SH3KBP1: variants seen among roughly 807,000 people sequenced by gnomAD.
SH3KBP1 encodes the protein SH3 domain containing kinase binding protein 1, also known as SH3 domain-containing kinase-binding protein 1.
A neutral mutation model predicts 50.1 loss-of-function variants in SH3KBP1; 8 were observed. The observed-to-expected ratio is 0.16, with a 90% CI of 0.09 to 0.29. The LOEUF (loss-of-function observed/expected upper bound fraction) is 0.29. SH3KBP1 is among the 10% of genes least tolerant of loss of function. The pLI, the probability that SH3KBP1 is intolerant of heterozygous loss-of-function variation, is 1.00. For synonymous variants in SH3KBP1, 227 were observed against 218.6 expected, an observed-to-expected ratio of 1.04 and a Z score of -0.34; for missense variants, 377 against 535.2, an observed-to-expected ratio of 0.70 and a Z score of 2.92.
At chrX:19,756,903 T>C (rs1396894757) in intron 2 of SH3KBP1, among the ~76,000 whole-genome samples, 2 of 105,689 alleles carry the variant, frequency 1.9e-5, no homozygotes, top group African/African-American at 6.9e-5. Flanking sequence ...TAACGTATGC[T>C]AGCATTTGTG....
rs1472663912 is a variant in SH3KBP1, at chrX:19,760,041, C to CTCTCTCT, written c.163-13601_163-13600insAGAGAGA. ...TCTCTCTCCTCTCTCTCTCTCTCTCCCTCTCTCTCTCTCTCTCTCTCTCTC... is the reference window on the plus strand; with the variant it reads ...TCTCTCTCCTCTCTCTCTCTCTCTCCTCTCTCTCTCTCTCTCTCTCTCTCTCTCTCTC... On this transcript the variant is annotated intron_variant, in intron 2 of 17. Coordinates refer to ENST00000397821, the MANE Select transcript of SH3KBP1 (RefSeq NM_031892.3). Among the ~76,000 whole-genome samples, 15 of 50,457 alleles carry CTCTCTCT rather than the reference C, an allele frequency of 3.0e-4. 1 individual carries two copies. The highest frequency in any genetic ancestry group is 1.3e-3 in the African/African-American group (14 of 10,729). 43.8% of individuals were successfully genotyped at this position (50,457 alleles called of 115,157 possible).
chrX:19,698,803 C>T (rs1168870821), intron 4 of SH3KBP1, among the ~76,000 whole-genome samples: 2 of 111,945 alleles, frequency 1.8e-5, no homozygotes, highest in African/African-American at 3.3e-5. Context: ...TGTGTAAAGA[C>T]GAGGACACGG....
At chrX:19,563,645 G>C (rs939282015) in intron 13 of SH3KBP1, among the ~76,000 whole-genome samples, 1 of 112,305 alleles carries the variant, frequency 8.9e-6, no homozygotes, top group Non-Finnish European at 1.9e-5. Context: ...AAAAATTTAA[G>C]TTTGATCACG....
intron 6 of SH3KBP1, among the ~76,000 whole-genome samples, chrX:19,681,792 G>T (rs73459687): frequency 0.073 from 8,165 of 111,133 alleles, 691 homozygotes; most frequent in African/African-American, 0.25. Flanking sequence ...AGTAACGAGG[G>T]TCGGGTCTCA....
intron 1 of SH3KBP1, among the ~76,000 whole-genome samples, chrX:19,866,884 C>T (rs1358128972): frequency 9.2e-6 from 1 of 108,576 alleles, no homozygotes; most frequent in Non-Finnish European, 1.9e-5. Flanking sequence ...ACTATCCAAA[C>T]GTAAACAGAC....
rs142557589 is a variant in SH3KBP1 at position 19,667,024 on chromosome X, A to T, written c.726+16799T>A. On this transcript the variant is annotated intron_variant, in intron 6 of 17. Coordinates refer to ENST00000397821, the MANE Select transcript of SH3KBP1 (RefSeq NM_031892.3). Reference sequence around the variant, plus strand: ...GAAATAATACTCAGCCTTAAAAACGAAAGAAATTCTGATATGTGCCACAAC... The same window carrying T: ...GAAATAATACTCAGCCTTAAAAACGTAAGAAATTCTGATATGTGCCACAAC... 7.9e-3 allele frequency among the ~76,000 whole-genome samples: 890 copies of T among 112,477 alleles called. 5 individuals are homozygous for T. Among genetic ancestry groups the T allele is most frequent in the Non-Finnish European group, 0.011 (584 of 53,279 alleles).
intron 3 of SH3KBP1, among the ~76,000 whole-genome samples, chrX:19,744,387 A>G (rs2064860628): frequency 8.9e-6 from 1 of 111,996 alleles, no homozygotes; most frequent in South Asian, 3.7e-4. Flanking sequence ...TGTTTATTAT[A>G]AGGGGTAGCA....
At chrX:19,876,629 GA>G (rs1027992105) in intron 1 of SH3KBP1, among the ~76,000 whole-genome samples, 2 of 111,069 alleles carry the variant, frequency 1.8e-5, no homozygotes, top group African/African-American at 6.6e-5. Context: ...AAAAGGAGGG[GA>G]AAATAACAGA....
intron 8 of SH3KBP1, among the ~76,000 whole-genome samples, chrX:19,618,124 G>A (rs758464998): frequency 2.7e-5 from 3 of 110,533 alleles, no homozygotes; most frequent in Non-Finnish European, 3.8e-5. Flanking sequence ...AGTGGCTCAC[G>A]TCTGTAATCT....
chrX:19,592,107 A>T lies in SH3KBP1; in HGVS notation c.1098T>A (p.Pro366=). The T allele has an allele frequency of 8.3e-7, 1 of 1,207,164 alleles. No individual in the cohort carries two copies. Among genetic ancestry groups the T allele is most frequent in the Non-Finnish European group, 1.1e-6 (1 of 892,691 alleles). The change falls in exon 11 of 18, where the codon CCT becomes CCA. Residue 366 remains proline, a synonymous_variant. Coordinates refer to ENST00000397821, the MANE Select transcript of SH3KBP1 (RefSeq NM_031892.3). The part of the protein sequence containing the change: ...ERKHEIKKIP[P]ERPEMLPNRT... ...TGTTTGGAAGCATTTCTGGTCTTTC[A>T]GGAGGTATCTTTTTAATTTCATGTT...
chrX:19,761,944 C>T (rs764110961), intron 2 of SH3KBP1, among the ~76,000 whole-genome samples: 1 of 113,052 alleles, frequency 8.8e-6, no homozygotes, highest in Non-Finnish European at 1.9e-5. Context: ...TCCATCAGAG[C>T]TTTGCCCCTC....
chrX:19,649,077 C>T (rs2062059532), intron 6 of SH3KBP1, among the ~76,000 whole-genome samples: 1 of 111,527 alleles, frequency 9.0e-6, no homozygotes, highest in African/African-American at 3.3e-5. Flanking sequence ...CATCTCTCCT[C>T]CAACTAGAAG....
intron 2 of SH3KBP1, among the ~76,000 whole-genome samples, chrX:19,829,418 CTT>C (rs1179943466): frequency 2.0e-5 from 2 of 100,524 alleles, no homozygotes; most frequent in East Asian, 3.1e-4. Flanking sequence ...ACTGTCTGTT[CTT>C]TTTTTTTTTT....
chrX:19,599,719 C>T (rs1012364391), intron 9 of SH3KBP1, among the ~76,000 whole-genome samples: 2 of 111,900 alleles, frequency 1.8e-5, no homozygotes, highest in African/African-American at 6.5e-5. Flanking sequence ...AGAAAAGATG[C>T]CATATTTTCA....
At chrX:19,649,409 T>C (rs1478773257) in intron 6 of SH3KBP1, among the ~76,000 whole-genome samples, 1 of 111,244 alleles carries the variant, frequency 9.0e-6, no homozygotes, top group Non-Finnish European at 1.9e-5. Flanking sequence ...ACACCCACAT[T>C]AGTCAGATCT....
chrX:19,721,137 G>A (rs1967452560), intron 3 of SH3KBP1, among the ~76,000 whole-genome samples: 1 of 110,952 alleles, frequency 9.0e-6, no homozygotes, highest in Admixed American at 9.6e-5. Flanking sequence ...AGGTATTTCT[G>A]AATTTTCTTG....
chrX:19,733,314 C>A (rs760426235), intron 3 of SH3KBP1, among the ~76,000 whole-genome samples: 1 of 109,864 alleles, frequency 9.1e-6, no homozygotes, highest in Non-Finnish European at 1.9e-5. Context: ...GCTTGCCATA[C>A]AATATATTAA....
Position 19,567,545 on chromosome X carries a change from A to T in SH3KBP1, c.1384+1558T>A, listed in dbSNP as rs868455900. Among the ~76,000 whole-genome samples, 109 of 72,135 alleles carry T rather than the reference A, an allele frequency of 1.5e-3. 2 individuals carry two copies. The highest frequency in any genetic ancestry group is 7.1e-3 in the African/African-American group (100 of 14,050). 62.6% of individuals were successfully genotyped at this position (72,135 alleles called of 115,157 possible). On this transcript the variant is annotated intron_variant, in intron 13 of 17. Transcript: ENST00000397821. The stretch of plus-strand genomic sequence containing the variant: ...AAAAAAAAAAAAAAAAAAAAAAAAA[A>T]AAAAAAAAAAAAATATATATATATA...
rs1221651709 is a variant in SH3KBP1 at position 19,536,272 on chromosome X, C to T, written c.*145G>A. The T allele has an allele frequency of 9.9e-6, 4 of 405,312 alleles. No individual in the cohort carries two copies. The highest frequency in any genetic ancestry group is 9.5e-5 in the Admixed American group (2 of 21,013). 33.4% of individuals were successfully genotyped at this position (405,312 alleles called of 1,213,427 possible). A position where few individuals can be genotyped will look rare whatever the true frequency, so the allele number is the denominator to read the frequency against. ...CCTCTTGGATGGAATTTGTGTTGTG[C>T]TATCAAGACTTTTGTGCTAATCTTT... On this transcript the variant is annotated 3_prime_UTR_variant, in exon 18 of 18. Transcript: ENST00000397821.
Sources: gnomAD v4.1 joint callset for allele counts (sites outside exome capture counted in the v4.1 genomes callset) on GRCh38, gnomAD v4.1.1 for gene constraint, MANE v1.5 for transcripts, NCBI Gene and HGNC (gene_info 2026-07-23, HGNC 2026-07-21) for gene names.